Variants in SCML4 observed in about 807,000 individuals in gnomAD.
SCML4 encodes sex comb on midleg-like protein 4.
Under a neutral mutation model 41.1 loss-of-function variants are expected in SCML4, and 34 were observed. The ratio of observed to expected loss-of-function variants is 0.83; its 90% CI spans 0.63 to 1.10. SCML4 has a LOEUF of 1.10. Ranked by LOEUF, SCML4 falls within the 50% of genes least tolerant of loss-of-function variation. SCML4 has a pLI of 0.00. For synonymous variants in SCML4, 214 were observed against 220.9 expected (o/e 0.97, Z 0.28); for missense variants, 522 against 534.1 (o/e 0.98, Z 0.22).
chr6:107,831,311 A>G, the SCML4 span, among the ~76,000 whole-genome samples: 1,197 of 151,478 alleles, frequency 7.9e-3, 8 homozygotes, highest in Middle Eastern at 0.021. Flanking sequence ...AAGATCTCCA[A>G]GATGGGTTTC....
chr6:107,726,404 G>A (rs1235145998), intron 5 of SCML4, among the ~76,000 whole-genome samples: 1 of 151,390 alleles, frequency 6.6e-6, no homozygotes, highest in Non-Finnish European at 1.5e-5. Context: ...ATGGTGGCAG[G>A]TGCCTGTAGT....
intron 7 of SCML4, among the ~76,000 whole-genome samples, chr6:107,707,389 T>C (rs1025644792): frequency 3.9e-5 from 6 of 152,100 alleles, no homozygotes; most frequent in African/African-American, 1.4e-4. Context: ...AAAATTACCA[T>C]CTCTATATTT....
intron 1 of SCML4, among the ~76,000 whole-genome samples, chr6:107,806,459 C>T (rs1009200763): frequency 3.9e-5 from 6 of 152,274 alleles, no homozygotes; most frequent in Admixed American, 6.5e-5. Context: ...ATATAAGTAA[C>T]GCCACCAACC....
chr6:107,767,366 GA>G (rs1178792334), intron 2 of SCML4, among the ~76,000 whole-genome samples: 1 of 152,174 alleles, frequency 6.6e-6, no homozygotes, highest in Non-Finnish European at 1.5e-5. Context: ...CATTTAGAAA[GA>G]GGCTTTAAAC....
chr6:107,732,341 C>T (rs1776646685), intron 5 of SCML4: 1 of 152,268 alleles, frequency 6.6e-6, no homozygotes, highest in Admixed American at 6.5e-5. Context: ...TTTCCATTAA[C>T]TTGGTCTCTG....
At chr6:107,754,569 A>G (rs1378252469) in intron 2 of SCML4, among the ~76,000 whole-genome samples, 1 of 152,200 alleles carries the variant, frequency 6.6e-6, no homozygotes, top group African/African-American at 2.4e-5. Context: ...CCCTGGCTAA[A>G]TCCTCCTTCA....
intron 2 of SCML4, among the ~76,000 whole-genome samples, chr6:107,766,797 C>A (rs1368669120): frequency 2.6e-5 from 4 of 152,112 alleles, no homozygotes; most frequent in Non-Finnish European, 5.9e-5. Flanking sequence ...ATGTTCAACC[C>A]GAGGAAATGG....
chr6:107,761,852 A>G (rs1219724979), intron 2 of SCML4, among the ~76,000 whole-genome samples: 1 of 152,064 alleles, frequency 6.6e-6, no homozygotes, highest in Non-Finnish European at 1.5e-5. Flanking sequence ...ATACTTCTAA[A>G]CAACAAAAAC....
chr6:107,745,475 G>A (rs1421263985), intron 4 of SCML4: 3 of 195,398 alleles, frequency 1.5e-5, no homozygotes, highest in African/African-American at 2.3e-5. Flanking sequence ...CTCATGATTA[G>A]ACTAGGGTTA....
At chr6:107,771,759 C>T (rs1223109598) in intron 2 of SCML4, among the ~76,000 whole-genome samples, 1 of 152,178 alleles carries the variant, frequency 6.6e-6, no homozygotes, top group African/African-American at 2.4e-5. Context: ...TTAAATGTCT[C>T]AGGAACATCA....
intron 1 of SCML4, among the ~76,000 whole-genome samples, chr6:107,778,196 CAAAAAAAAAAAAAAA>C (rs1171221403): frequency 7.7e-4 from 6 of 7,750 alleles, no homozygotes; most frequent in East Asian, 0.011. Flanking sequence ...GACTCTATCT[CAAAAAAAAAAAAAAA>C]AAAAAAAAAA....
rs1164555523 is a variant in SCML4 at position 107,800,193 on chromosome 6, G to A, written c.-60+23933C>T. Among the ~76,000 whole-genome samples, 6 of 151,552 alleles carry A rather than the reference G, an allele frequency of 4.0e-5. No homozygotes were observed. In the East Asian group the frequency reaches 1.2e-3, roughly 29 times the overall value. The stretch of plus-strand genomic sequence containing the variant: ...ATTGTCTATATTTTTCTTGACCATG[G>A]GTAACATTTTCCGCCTTCTTTACAT... On this transcript the variant is annotated intron_variant, in intron 1 of 7. Transcript: ENST00000369020.
rs201564328 is a variant in SCML4 at position 107,812,916 on chromosome 6, T to C, written c.-60+11210A>G. 8.5e-3 allele frequency among the ~76,000 whole-genome samples: 660 copies of C among 77,804 alleles called. 4 individuals carry two copies. Among genetic ancestry groups the C allele is most frequent in the African/African-American group, 0.022 (589 of 26,510 alleles). 51.0% of individuals were successfully genotyped at this position (77,804 alleles called of 152,430 possible). On this transcript the variant is annotated intron_variant, in intron 1 of 7. Transcript: ENST00000369020. ...ACACACACACACACACACACACACATACCCTATTGGTTCTGTTTCTCTGGA... is the reference window on the plus strand; with the variant it reads ...ACACACACACACACACACACACACACACCCTATTGGTTCTGTTTCTCTGGA...
intron 6 of SCML4, chr6:107,718,676 C>T (rs1344883682): frequency 6.6e-6 from 1 of 152,232 alleles, no homozygotes; most frequent in Admixed American, 6.5e-5. Flanking sequence ...TAGAAGTTCT[C>T]TCCAACCAAA....
At chr6:107,748,419 AC>A (rs1366699877) in intron 3 of SCML4, among the ~76,000 whole-genome samples, 1 of 147,314 alleles carries the variant, frequency 6.8e-6, no homozygotes, top group Non-Finnish European at 1.5e-5. Context: ...TTTTTTGAGC[AC>A]CTGCTATAGT....
intron 5 of SCML4, among the ~76,000 whole-genome samples, chr6:107,721,653 C>G (rs1158366639): frequency 1.3e-5 from 2 of 152,230 alleles, no homozygotes; most frequent in African/African-American, 4.8e-5. Context: ...CACAGCCCCC[C>G]TCACCTGGCT....
chr6:107,749,224 C>T (rs1256343833), intron 3 of SCML4, among the ~76,000 whole-genome samples: 3 of 152,052 alleles, frequency 2.0e-5, no homozygotes, highest in Non-Finnish European at 4.4e-5. Flanking sequence ...CCACCATAGA[C>T]AGAGATTGGG....
At chr6:107,718,589 C>T (rs1186372170) in intron 6 of SCML4, 4 of 152,248 alleles carry the variant, frequency 2.6e-5, no homozygotes, top group African/African-American at 9.7e-5. Context: ...ATGCTGAAGC[C>T]CTCTGAAGAG....
At chr6:107,708,658 CTG>C (rs1773924902) in intron 6 of SCML4, among the ~76,000 whole-genome samples, 1 of 152,210 alleles carries the variant, frequency 6.6e-6, no homozygotes, top group African/African-American at 2.4e-5. Context: ...GCACGGCCCT[CTG>C]GGGCTGTCAG....
Sources: allele counts gnomAD v4.1 joint callset (sites outside exome capture counted in the v4.1 genomes callset), GRCh38; gene constraint gnomAD v4.1.1; transcripts MANE v1.5; gene names NCBI Gene and HGNC (gene_info 2026-07-23, HGNC 2026-07-21).